Variants in SSBP3 observed in about 807,000 individuals in gnomAD.
SSBP3 encodes the protein single stranded DNA binding protein 3.
Under a neutral mutation model 69.6 loss-of-function variants are expected in SSBP3, and 5 were observed. That is an observed-to-expected ratio of 0.07 (90% CI 0.04 to 0.15). The LOEUF (loss-of-function observed/expected upper bound fraction) is 0.15. Ranked by LOEUF, SSBP3 falls within the 10% of genes least tolerant of loss-of-function variation. The pLI, the probability that SSBP3 is intolerant of heterozygous loss-of-function variation, is 1.00. For missense variants in SSBP3, 312 were observed against 534.0 expected, an observed-to-expected ratio of 0.58 and a Z score of 4.10; for synonymous variants, 196 against 193.4, an observed-to-expected ratio of 1.01 and a Z score of -0.11.
At chr1:54,276,768 G>A (rs1645296576) in intron 5 of SSBP3, among the ~76,000 whole-genome samples, 1 of 152,064 alleles carries the variant, frequency 6.6e-6, no homozygotes, top group African/African-American at 2.4e-5. Context: ...GTGCTGCCCT[G>A]GCTTCCCACT....
At chr1:54,365,515 C>T (rs1169720402) in intron 4 of SSBP3, among the ~76,000 whole-genome samples, 1 of 152,194 alleles carries the variant, frequency 6.6e-6, no homozygotes, top group South Asian at 2.1e-4. Context: ...ACGAAGCTGC[C>T]TATGAGCTAC....
intron 4 of SSBP3, among the ~76,000 whole-genome samples, chr1:54,315,811 G>A (rs1040388477): frequency 2.0e-5 from 3 of 151,934 alleles, no homozygotes; most frequent in African/African-American, 7.3e-5. Context: ...ACAGGCTCAC[G>A]CTACTATGCC....
intron 4 of SSBP3, among the ~76,000 whole-genome samples, chr1:54,295,027 T>C (rs1322137257): frequency 2.0e-5 from 3 of 152,096 alleles, no homozygotes; most frequent in African/African-American, 7.2e-5. Flanking sequence ...GACATGGTTT[T>C]TGCAATCAGA....
intron 5 of SSBP3, among the ~76,000 whole-genome samples, chr1:54,266,105 GCCAGCGCCTCTTTCT>G (rs1323799206): frequency 6.6e-6 from 1 of 152,254 alleles, no homozygotes; most frequent in African/African-American, 2.4e-5. Context: ...CACACTGCTT[GCCAGCGCCTCTTTCT>G]CCAGCGCCTG....
At chr1:54,300,239 G>A (rs898786096) in intron 4 of SSBP3, among the ~76,000 whole-genome samples, 5 of 152,132 alleles carry the variant, frequency 3.3e-5, no homozygotes, top group African/African-American at 1.2e-4. Flanking sequence ...CCAGGAGAGG[G>A]CCACTGAGGA....
At chr1:54,240,077 TGTGTGTGTGTGC>T (rs1463150667) in intron 13 of SSBP3, among the ~76,000 whole-genome samples, 410 of 22,012 alleles carry the variant, frequency 0.019, 5 homozygotes, top group East Asian at 0.13. Context: ...TGTGTGTGTG[TGTGTGTGTGTGC>T]GCGCGCGCGC....
At chr1:54,400,710 G>A (rs1262311920) in intron 4 of SSBP3, among the ~76,000 whole-genome samples, 2 of 152,154 alleles carry the variant, frequency 1.3e-5, no homozygotes, top group African/African-American at 2.4e-5. Flanking sequence ...AAAACCAGTA[G>A]GCCACCACCT....
chr1:54,249,677 T>C (rs1475203736), intron 9 of SSBP3, among the ~76,000 whole-genome samples: 1 of 148,884 alleles, frequency 6.7e-6, no homozygotes, highest in East Asian at 1.9e-4. Flanking sequence ...AAATAAAGAA[T>C]AAAAAACAAT....
chr1:54,289,033 A>AAAC lies in SSBP3; in HGVS notation c.277-7507_277-7506insGTT, dbSNP rs1557499348. On this transcript the variant is annotated intron_variant, in intron 4 of 17. Transcript: ENST00000610401. ...AGACTCTGTCTCCAAAAAAAAAAAA[A>AAAC]AAACAAAAAAACAAAAAAAAAAAAC... Among the ~76,000 whole-genome samples, 6 of 53,356 alleles carry AAAC rather than the reference A, an allele frequency of 1.1e-4. No homozygotes were observed. In the South Asian group the frequency reaches 1.9e-3, roughly 17 times the overall value. The allele number at this position is 53,356 out of a possible 152,430, so 35.0% of individuals were successfully genotyped here.
At chr1:54,345,876 T>C (rs1180481894) in intron 4 of SSBP3, among the ~76,000 whole-genome samples, 1 of 151,458 alleles carries the variant, frequency 6.6e-6, no homozygotes, top group Non-Finnish European at 1.5e-5. Flanking sequence ...GCACGGTGGC[T>C]CACGCCTGTA....
chr1:54,240,812 T>A, intron 13 of SSBP3, 93 bp downstream of exon 13: 1 of 1,533,842 alleles, frequency 6.5e-7, no homozygotes, highest in South Asian at 1.1e-5. Flanking sequence ...GCTGGTAAGC[T>A]CTGGCTCTGC....
chr1:54,346,919 C>T (rs1646699960), intron 4 of SSBP3, among the ~76,000 whole-genome samples: 1 of 152,034 alleles, frequency 6.6e-6, no homozygotes, highest in Admixed American at 6.6e-5. Context: ...CCAAAATCCT[C>T]GGATGCTTGA....
chr1:54,337,068 C>T (rs1277032496), intron 4 of SSBP3, among the ~76,000 whole-genome samples: 1 of 152,230 alleles, frequency 6.6e-6, no homozygotes, highest in African/African-American at 2.4e-5. Context: ...AAGCAAAGTG[C>T]GCTGCCGCAG....
chr1:54,390,993 G>C (rs1648451276), intron 4 of SSBP3, among the ~76,000 whole-genome samples: 1 of 152,252 alleles, frequency 6.6e-6, no homozygotes, highest in African/African-American at 2.4e-5. Flanking sequence ...ATGGCCAAAG[G>C]CCACAGGAAG....
At chr1:54,295,207 C>CG in intron 4 of SSBP3, among the ~76,000 whole-genome samples, 1 of 152,274 alleles carries the variant, frequency 6.6e-6, no homozygotes, top group South Asian at 2.1e-4. Context: ...TAGGGCCCCC[C>CG]GGCCGCATCC....
chr1:54,410,539 G>A (rs1570091774), upstream of SSBP3, among the ~76,000 whole-genome samples: 1 of 152,180 alleles, frequency 6.6e-6, no homozygotes, highest in Admixed American at 6.5e-5. Flanking sequence ...TCTGCACCCG[G>A]CACGCTCAGT....
chr1:54,295,563 G>C (rs573320402), intron 4 of SSBP3, among the ~76,000 whole-genome samples: 1 of 152,140 alleles, frequency 6.6e-6, no homozygotes, highest in Non-Finnish European at 1.5e-5. Context: ...TGGGCTCCCT[G>C]ACCAATTCAG....
In SSBP3 at chr1:54,240,131, C is replaced by G. The variant is rs555826639; in HGVS notation, c.856+774G>C. 2.3e-3 allele frequency among the ~76,000 whole-genome samples: 315 copies of G among 137,174 alleles called. 2 individuals are homozygous for G. Among genetic ancestry groups the G allele is most frequent in the African/African-American group, 8.5e-3 (293 of 34,404 alleles). The allele number at this position is 137,174 out of a possible 152,430, so 90.0% of individuals were successfully genotyped here. ...GTGCGCGCGCGCGCGCAACACATGCCCACGTATGTGCACGCATGCCCTCTT... is the reference window on the plus strand; with the variant it reads ...GTGCGCGCGCGCGCGCAACACATGCGCACGTATGTGCACGCATGCCCTCTT... On this transcript the variant is annotated intron_variant, in intron 13 of 17. Transcript: ENST00000610401.
At chr1:54,355,912 C>T (rs1424003776) in intron 4 of SSBP3, among the ~76,000 whole-genome samples, 1 of 152,170 alleles carries the variant, frequency 6.6e-6, no homozygotes, top group African/African-American at 2.4e-5. Context: ...CCCTGCCTGG[C>T]CAGACCCCAT....
Sources: allele counts gnomAD v4.1 joint callset (sites outside exome capture counted in the v4.1 genomes callset), GRCh38; gene constraint gnomAD v4.1.1; transcripts MANE v1.5; gene names NCBI Gene and HGNC (gene_info 2026-07-23, HGNC 2026-07-21).